Variants in NBEA observed in about 807,000 individuals in gnomAD.
NBEA encodes the protein lysosomal-trafficking regulator 2.
In NBEA, 44 loss-of-function variants were observed where a neutral mutation model predicts 343.4. The ratio of observed to expected loss-of-function variants is 0.13; its 90% CI spans 0.10 to 0.16. The LOEUF is 0.16. Among genes scored for constraint, NBEA ranks in the 10% least tolerant of loss-of-function variants. The probability of loss-of-function intolerance (pLI) is 1.00; values close to 1 mark genes in which losing one functional copy is unlikely to be tolerated. For synonymous variants in NBEA, 1,175 were observed against 1,238.7 expected, an observed-to-expected ratio of 0.95 and a Z score of 1.08; for missense variants, 2,555 against 3,631.3, an observed-to-expected ratio of 0.70 and a Z score of 7.62.
Position 35,602,881 on chromosome 13 carries a change from G to A in NBEA, c.7297-3545G>A, listed in dbSNP as rs534063574. Among the ~76,000 whole-genome samples the A allele has an allele frequency of 1.2e-4, 19 of 152,264 alleles. No homozygotes were observed. The South Asian group carries it at 2.9e-3, about 23-fold the overall frequency. On this transcript the variant is annotated intron_variant, in intron 47 of 58. Transcript: ENST00000379939. Reference sequence around the variant, plus strand: ...TTCTAGGCCTTCCTTGTTCTTTGGTGGAGGCCAGCTGTTAGTGCCCTTCTT... The same window carrying A: ...TTCTAGGCCTTCCTTGTTCTTTGGTAGAGGCCAGCTGTTAGTGCCCTTCTT...
intron 36 of NBEA, among the ~76,000 whole-genome samples, chr13:35,311,795 A>G (rs1252350904): frequency 1.3e-5 from 2 of 152,138 alleles, no homozygotes; most frequent in Non-Finnish European, 2.9e-5. Context: ...TGGAGGTTGC[A>G]GTGAGCCAAG....
rs149296124 is a variant in NBEA, at chr13:35,584,147, G to A, written c.7176+109G>A. ...AATTTGATTAACAAAGATTAGAGAC[G>A]AGTGAAGTAGAAATTAAAGATTTCA... On this transcript the variant is annotated intron_variant, in intron 46 of 58. Coordinates refer to ENST00000379939, the MANE Select transcript of NBEA (RefSeq NM_001385012.1). 83 of 1,093,870 alleles carry A rather than the reference G, an allele frequency of 7.6e-5. No individual in the cohort carries two copies. The African/African-American group carries it at 1.1e-3, about 14-fold the overall frequency. The allele number at this position is 1,093,870 out of a possible 1,614,324, so 67.8% of individuals were successfully genotyped here.
chr13:35,048,444 T>G (rs2062941940), intron 4 of NBEA, 119 bp from the exon 5 acceptor site: 3 of 882,706 alleles, frequency 3.4e-6, no homozygotes, highest in Non-Finnish European at 5.0e-6. Flanking sequence ...TGGATTTGTT[T>G]GTGATTTTCT....
chr13:35,379,325 G>A (rs2041895838), intron 38 of NBEA, among the ~76,000 whole-genome samples: 1 of 151,954 alleles, frequency 6.6e-6, no homozygotes, highest in African/African-American at 2.4e-5. Context: ...TTTCATCATG[G>A]CCAAAAAAGG....
At chr13:35,665,292 G>T in intron 56 of NBEA, 106 bp downstream of exon 56, 2 of 837,394 alleles carry the variant, frequency 2.4e-6, no homozygotes, top group Non-Finnish European at 3.8e-6. Flanking sequence ...ATAGACAAAT[G>T]GTATCCCAAA....
intron 35 of NBEA, among the ~76,000 whole-genome samples, chr13:35,304,737 G>C (rs907702927): frequency 6.6e-6 from 1 of 151,750 alleles, no homozygotes; most frequent in African/African-American, 2.4e-5. Flanking sequence ...AACTATCACT[G>C]TTCTAAAAAA....
chr13:35,068,847 A>C (rs2063755596), intron 8 of NBEA, among the ~76,000 whole-genome samples: 1 of 152,210 alleles, frequency 6.6e-6, no homozygotes, highest in Non-Finnish European at 1.5e-5. Context: ...AACATTGAAC[A>C]GTTGACTTGA....
At chr13:35,014,238 A>G (rs919517800) in intron 1 of NBEA, among the ~76,000 whole-genome samples, 1 of 152,156 alleles carries the variant, frequency 6.6e-6, no homozygotes, top group Admixed American at 6.5e-5. Flanking sequence ...TCTCTCAAAC[A>G]AGTTTTGAAC....
At chr13:35,367,874 A>G (rs2041213860) in intron 38 of NBEA, among the ~76,000 whole-genome samples, 1 of 151,542 alleles carries the variant, frequency 6.6e-6, no homozygotes, top group Non-Finnish European at 1.5e-5. Flanking sequence ...ACACTTTAAT[A>G]CACATTACTA....
intron 10 of NBEA, among the ~76,000 whole-genome samples, chr13:35,082,035 T>C (rs2152606142): frequency 6.6e-6 from 1 of 152,316 alleles, no homozygotes; most frequent in South Asian, 2.1e-4. Context: ...TCATTTAACA[T>C]TAGGTATATC....
chr13:35,415,581 C>A (rs1318219216), intron 38 of NBEA, among the ~76,000 whole-genome samples: 1 of 152,026 alleles, frequency 6.6e-6, no homozygotes, highest in Non-Finnish European at 1.5e-5. Context: ...CTATTCTGTT[C>A]CATTGGTCTA....
chr13:35,357,050 G>A (rs1157852512), intron 38 of NBEA, among the ~76,000 whole-genome samples: 1 of 152,070 alleles, frequency 6.6e-6, no homozygotes, highest in Admixed American at 6.6e-5. Flanking sequence ...ATTTACTGGT[G>A]TGTACCCAGT....
Position 35,358,100 on chromosome 13 carries a change from C to A in NBEA, c.6179+5777C>A, listed in dbSNP as rs1239514518. ...TCAGTGGCACGATCTCGGCTCACTG[C>A]AACCTCCACCTCCCGGGTTCAAGTA... On this transcript the variant is annotated intron_variant, in intron 38 of 58. Coordinates refer to ENST00000379939, the MANE Select transcript of NBEA (RefSeq NM_001385012.1). 2.6e-5 allele frequency among the ~76,000 whole-genome samples: 4 copies of A among 152,084 alleles called. No homozygotes were observed. The South Asian group carries it at 6.2e-4, about 24-fold the overall frequency.
At chr13:35,467,326 G>A (rs1391564007) in intron 40 of NBEA, among the ~76,000 whole-genome samples, 2 of 152,058 alleles carry the variant, frequency 1.3e-5, no homozygotes, top group African/African-American at 4.8e-5. Flanking sequence ...ACAAAAATTA[G>A]CTGGGCATGG....
At chr13:35,360,949 G>A (rs904879348) in intron 38 of NBEA, among the ~76,000 whole-genome samples, 3 of 151,946 alleles carry the variant, frequency 2.0e-5, no homozygotes, top group Non-Finnish European at 4.4e-5. Flanking sequence ...AGAAAAAATG[G>A]TTGAAAATGT....
intron 34 of NBEA, among the ~76,000 whole-genome samples, chr13:35,260,668 A>G (rs2033130010): frequency 6.6e-6 from 1 of 152,220 alleles, no homozygotes; most frequent in Non-Finnish European, 1.5e-5. Context: ...AGCCCCTTGA[A>G]TCTTGAATTT....
intron 41 of NBEA, among the ~76,000 whole-genome samples, chr13:35,514,515 G>A (rs2077408260): frequency 6.6e-6 from 1 of 152,040 alleles, no homozygotes; most frequent in Non-Finnish European, 1.5e-5. Context: ...CATTTGTAGT[G>A]GGTCTTGAAC....
At chr13:35,416,273 C>T (rs956724054) in intron 38 of NBEA, among the ~76,000 whole-genome samples, 7 of 152,030 alleles carry the variant, frequency 4.6e-5, no homozygotes, top group Non-Finnish European at 8.8e-5. Flanking sequence ...AATACTATAT[C>T]GAATAGGAAT....
At chr13:35,647,902 G>A (rs775301129) in intron 51 of NBEA, among the ~76,000 whole-genome samples, 1 of 151,878 alleles carries the variant, frequency 6.6e-6, no homozygotes, top group Non-Finnish European at 1.5e-5. Flanking sequence ...TTAAGATAGG[G>A]TCTCACTCTG....
Sources: allele counts gnomAD v4.1 joint callset (sites outside exome capture counted in the v4.1 genomes callset), GRCh38; gene constraint gnomAD v4.1.1; transcripts MANE v1.5; gene names NCBI Gene and HGNC (gene_info 2026-07-23, HGNC 2026-07-21).